The following GPATCH2L variants were observed in gnomAD, a reference collection of about 807,000 sequenced individuals.
The protein encoded by GPATCH2L is G-patch domain containing 2 like.
In GPATCH2L, 31 loss-of-function variants were observed where a neutral mutation model predicts 57.4. The observed-to-expected ratio is 0.54, with a 90% confidence interval of 0.41 to 0.73. The LOEUF (loss-of-function observed/expected upper bound fraction) is 0.73, where lower values mean the gene tolerates loss of function less well. GPATCH2L is among the 30% of genes least tolerant of loss of function. The probability of loss-of-function intolerance (pLI) is 0.00; values close to 1 mark genes in which losing one functional copy is unlikely to be tolerated. For missense variants in GPATCH2L, 481 were observed against 599.9 expected (o/e 0.80, Z 2.07); for synonymous variants, 199 against 210.7 (o/e 0.94, Z 0.48).
intron 9 of GPATCH2L, 142 bp downstream of exon 9, chr14:76,196,114 A>G (rs2139805078): frequency 1.4e-6 from 1 of 738,096 alleles, no homozygotes; most frequent in Non-Finnish European, 2.4e-6. Flanking sequence ...TGAGACTACA[A>G]GAAATAATTA....
chr14:76,192,551 G>A (rs1371191027), intron 8 of GPATCH2L, among the ~76,000 whole-genome samples: 6 of 152,082 alleles, frequency 3.9e-5, no homozygotes, highest in African/African-American at 9.7e-5. Context: ...TGATACCCTA[G>A]TTTCTTTGTT....
chr14:76,224,734 T>C (rs2040529541), intron 1 of GPATCH2L, among the ~76,000 whole-genome samples: 2 of 152,222 alleles, frequency 1.3e-5, no homozygotes, highest in African/African-American at 2.4e-5. Context: ...TGATTGTTTA[T>C]GTAGAACATC....
In GPATCH2L at chr14:76,154,938, C is replaced by A; in HGVS notation, c.575C>A (p.Thr192Asn). 3 of 1,614,122 alleles carry A rather than the reference C, an allele frequency of 1.9e-6. No individual in the cohort carries two copies. The highest frequency in any genetic ancestry group is 2.5e-6 in the Non-Finnish European group (3 of 1,179,994). The change falls in exon 2 of 10, where the codon ACT becomes AAT. Residue 192 changes from threonine to asparagine, a missense_variant. Physicochemically the swap from Thr to Asn is moderately conservative, Grantham distance 65. Transcript: ENST00000261530. This position sits in a 1 kb window ranked among gnomAD's most constrained non-coding sequence, Gnocchi z 4.4. ...TTGTGTGAATCAGCAGAAAATAGGA[C>A]TTTCCTAAGCAAAACAGGAAGGAAA... ...HGLCESAENR[T>N]FLSKTGRKER... is the part of the protein sequence containing the mutation.
At position 76,182,433 on chromosome 14, in the gene GPATCH2L, T is replaced by TA. The variant is rs2039604641; in HGVS notation, c.1193+1587dup. 2.7e-5 allele frequency among the ~76,000 whole-genome samples: 4 copies of TA among 149,126 alleles called. No individual in the cohort carries two copies. The South Asian group carries it at 8.6e-4, about 32-fold the overall frequency. On this transcript the variant is annotated intron_variant, in intron 8 of 9. Coordinates refer to ENST00000261530, the MANE Select transcript of GPATCH2L (RefSeq NM_017926.4). The stretch of plus-strand genomic sequence containing the variant: ...TTGTTTCTACAAAATTTTTTTTTTT[T>TA]AAATCATTTGTGTCTGGTGATGTAC...
intron 3 of GPATCH2L, among the ~76,000 whole-genome samples, chr14:76,169,042 C>T (rs1276755393): frequency 6.6e-6 from 1 of 152,234 alleles, no homozygotes; most frequent in Non-Finnish European, 1.5e-5. Flanking sequence ...GCTGTGCTGG[C>T]TCCACCTGAT....
rs759625514 is a variant in GPATCH2L, at chr14:76,172,060, T to A, written c.904+41T>A. ...ACCAAGAACTTAATGCTTTTATGGT[T>A]CTCCTTGGGCAGAGCAATCACCCCC... On this transcript the variant is annotated intron_variant, in intron 4 of 9. Coordinates refer to ENST00000261530, the MANE Select transcript of GPATCH2L (RefSeq NM_017926.4). The A allele has an allele frequency of 7.3e-6, 10 of 1,374,822 alleles. No individual in the cohort carries two copies. The East Asian group carries it at 2.4e-4, about 33-fold the overall frequency. The allele number at this position is 1,374,822 out of a possible 1,614,324, so 85.2% of individuals were successfully genotyped here.
At chr14:76,152,340 G>A (rs1334660814) in intron 1 of GPATCH2L, among the ~76,000 whole-genome samples, 2 of 152,082 alleles carry the variant, frequency 1.3e-5, no homozygotes, top group African/African-American at 4.8e-5. Flanking sequence ...TGTCATATAT[G>A]TGGCCATGTT....
chr14:76,228,602 C>T (rs2040546762), intron 1 of GPATCH2L, among the ~76,000 whole-genome samples: 1 of 152,176 alleles, frequency 6.6e-6, no homozygotes, highest in South Asian at 2.1e-4. Flanking sequence ...TCTGAAACTG[C>T]TTAGGAAGTC....
intron 3 of GPATCH2L, 112 bp from the exon 4 acceptor site, chr14:76,171,729 GAA>G (rs60245346): frequency 0.011 from 6,294 of 547,972 alleles, no homozygotes; most frequent in South Asian, 0.019. Context: ...TCTCAAAAAG[GAA>G]AAAAAAAAAA....
rs887332122 is a variant in GPATCH2L, at chr14:76,205,865, A to C, written c.*4014A>C. 1 of 152,342 alleles carries C rather than the reference A, an allele frequency of 6.6e-6. No individual in the cohort carries two copies. Among genetic ancestry groups the C allele is most frequent in the Non-Finnish European group, 1.5e-5 (1 of 68,080 alleles). 9.4% of individuals were successfully genotyped at this position (152,342 alleles called of 1,614,324 possible). ...GTTTCATTTTGGCTTCATTACTGTGATTCTGAGCCACACAGGTTTTTCCCC... is the reference window on the plus strand; with the variant it reads ...GTTTCATTTTGGCTTCATTACTGTGCTTCTGAGCCACACAGGTTTTTCCCC... On this transcript the variant is annotated 3_prime_UTR_variant, in exon 10 of 10. Coordinates refer to ENST00000261530, the MANE Select transcript of GPATCH2L (RefSeq NM_017926.4).
chr14:76,155,082 C>T, intron 2 of GPATCH2L, 57 bp downstream of exon 2: 2 of 1,419,954 alleles, frequency 1.4e-6, no homozygotes, highest in South Asian at 2.6e-5. Flanking sequence ...CCAAAGTGCA[C>T]ATCCATGGTC....
intron 1 of GPATCH2L, chr14:76,152,938 A>G: frequency 3.0e-6 from 1 of 334,830 alleles, no homozygotes; most frequent in East Asian, 7.8e-5. Context: ...ATTTTAATCC[A>G]CTTTTTTTTT....
intron 3 of GPATCH2L, 116 bp downstream of exon 3, chr14:76,166,843 T>C: frequency 1.3e-6 from 1 of 764,576 alleles, no homozygotes; most frequent in Non-Finnish European, 2.3e-6. Flanking sequence ...TTCTCAAACT[T>C]TAAGGCATAT....
intron 1 of GPATCH2L, among the ~76,000 whole-genome samples, chr14:76,226,915 GTGTAT>G (rs2040538644): frequency 6.6e-6 from 1 of 152,222 alleles, no homozygotes; most frequent in Non-Finnish European, 1.5e-5. Flanking sequence ...TTTTCTGGAA[GTGTAT>G]TGTATTCAAT....
At chr14:76,180,894 T>C (rs574083173) in intron 8 of GPATCH2L, 45 bp downstream of exon 8, 2 of 1,067,492 alleles carry the variant, frequency 1.9e-6, no homozygotes, top group South Asian at 2.5e-5. Flanking sequence ...GACAATACTA[T>C]ATTCCTTTCT....
intron 2 of GPATCH2L, among the ~76,000 whole-genome samples, chr14:76,164,812 A>G (rs1354741622): frequency 6.6e-6 from 1 of 152,186 alleles, no homozygotes; most frequent in African/African-American, 2.4e-5. Flanking sequence ...ACAGTGGACA[A>G]GAGGGTTCCA....
At position 76,186,636 on chromosome 14, in the gene GPATCH2L, T is replaced by TG. The variant is rs1184033573; in HGVS notation, c.1193+5789dup. On this transcript the variant is annotated intron_variant, in intron 8 of 9. Transcript: ENST00000261530. ...TGTCTATAAGGCTGCCCAAGCCTAT[T>TG]GGAATTGCCCATTGTATAGTACACA... 3.9e-5 allele frequency among the ~76,000 whole-genome samples: 6 copies of TG among 152,360 alleles called. No individual in the cohort carries two copies. In the South Asian group the frequency reaches 1.2e-3, roughly 32 times the overall value.
At chr14:76,196,667 A>G (rs1169088685) in intron 9 of GPATCH2L, 1 of 152,216 alleles carries the variant, frequency 6.6e-6, no homozygotes, top group African/African-American at 2.4e-5. Context: ...TTATCCTTCA[A>G]TGAAAAAAAG....
At position 76,230,772 on chromosome 14, in the gene GPATCH2L, T is replaced by A. The variant is rs1043088430; in HGVS notation, c.*117+819T>A. Among the ~76,000 whole-genome samples the A allele has an allele frequency of 7.3e-4, 111 of 152,252 alleles. 1 individual carries two copies. Among genetic ancestry groups the A allele is most frequent in the Admixed American group, 7.3e-3 (111 of 15,288 alleles). On this transcript the variant is annotated intron_variant and NMD_transcript_variant, in intron 2 of 3. Transcript: ENST00000556372. ...AAAGCAATTCTTCGAAGTAATCAAC[T>A]TTAATTCATTAGCGTGGCTAGAGAA...
Sources: gnomAD v4.1 joint callset for allele counts (sites outside exome capture counted in the v4.1 genomes callset) on GRCh38, gnomAD v4.1.1 for gene constraint, Gnocchi (gnomAD v3.1) non-coding constraint, MANE v1.5 for transcripts, NCBI Gene and HGNC (gene_info 2026-07-23, HGNC 2026-07-21) for gene names.